NEGR1: variants seen among roughly 807,000 people sequenced by gnomAD.
NEGR1 encodes IgLON family member 4.
Under a neutral mutation model 40.9 loss-of-function variants are expected in NEGR1, and 10 were observed. That is an observed-to-expected ratio of 0.24 (90% CI 0.15 to 0.42). The LOEUF (loss-of-function observed/expected upper bound fraction) is 0.42, where lower values mean the gene tolerates loss of function less well. Ranked by LOEUF, NEGR1 falls within the 10% of genes least tolerant of loss-of-function variation. NEGR1 has a pLI of 1.00. For synonymous variants in NEGR1, 185 were observed against 166.8 expected, an observed-to-expected ratio of 1.11 and a Z score of -0.84; for missense variants, 352 against 438.9, an observed-to-expected ratio of 0.80 and a Z score of 1.77.
intron 4 of NEGR1, among the ~76,000 whole-genome samples, chr1:71,644,887 C>A (rs991228728): frequency 6.6e-6 from 1 of 151,844 alleles, no homozygotes; most frequent in Admixed American, 6.6e-5. Context: ...TATCTGTTCA[C>A]ATGTTTATTA....
chr1:71,545,397 C>T (rs1271651270), intron 6 of NEGR1, among the ~76,000 whole-genome samples: 1 of 151,616 alleles, frequency 6.6e-6, no homozygotes, highest in African/African-American at 2.4e-5. Context: ...CCTGAACTTT[C>T]CTAGATTGGA....
intron 3 of NEGR1, among the ~76,000 whole-genome samples, chr1:71,763,494 T>C (rs1428507917): frequency 6.6e-6 from 1 of 152,176 alleles, no homozygotes; most frequent in Admixed American, 6.5e-5. Context: ...AGGTAAAACA[T>C]AATTTATATT....
chr1:71,688,803 C>A, intron 4 of NEGR1, among the ~76,000 whole-genome samples: 1 of 152,260 alleles, frequency 6.6e-6, no homozygotes, highest in Non-Finnish European at 1.5e-5. Flanking sequence ...TATTGATACA[C>A]AAAATCATTG....
intron 2 of NEGR1, among the ~76,000 whole-genome samples, chr1:71,861,584 C>G (rs937909230): frequency 6.6e-6 from 1 of 151,978 alleles, no homozygotes; most frequent in Non-Finnish European, 1.5e-5. Flanking sequence ...GCATCTCCAG[C>G]CTTGGGTTCA....
At chr1:71,574,224 T>C (rs965593165) in intron 6 of NEGR1, among the ~76,000 whole-genome samples, 1 of 152,184 alleles carries the variant, frequency 6.6e-6, no homozygotes, top group African/African-American at 2.4e-5. Flanking sequence ...ATGCTATCCC[T>C]ATGGGAACTG....
intron 1 of NEGR1, among the ~76,000 whole-genome samples, chr1:72,099,941 T>A (rs1273821659): frequency 2.6e-5 from 4 of 151,878 alleles, no homozygotes; most frequent in South Asian, 2.1e-4. Flanking sequence ...AATCCAATCT[T>A]AAGTGGCAAA....
chr1:72,022,754 C>T (rs1646772303), intron 1 of NEGR1, among the ~76,000 whole-genome samples: 1 of 152,104 alleles, frequency 6.6e-6, no homozygotes, highest in African/African-American at 2.4e-5. Flanking sequence ...GATCTATAGA[C>T]TTGTAAGTAT....
intron 1 of NEGR1, among the ~76,000 whole-genome samples, chr1:72,197,447 C>T (rs769498792): frequency 2.6e-5 from 4 of 151,820 alleles, no homozygotes; most frequent in South Asian, 2.1e-4. Flanking sequence ...TAGTCTATCA[C>T]GTAACTTGAT....
At chr1:72,145,126 T>C (rs1650858032) in intron 1 of NEGR1, among the ~76,000 whole-genome samples, 6 of 152,100 alleles carry the variant, frequency 3.9e-5, no homozygotes, top group African/African-American at 1.4e-4. Context: ...TTTAAAAAAA[T>C]GTCTACCTGG....
chr1:71,947,965 A>G (rs1408057265), intron 1 of NEGR1, among the ~76,000 whole-genome samples: 5 of 152,146 alleles, frequency 3.3e-5, no homozygotes, highest in African/African-American at 7.2e-5. Context: ...TTCCCTTTCT[A>G]TCTTCCTAGA....
rs1421950775 is a variant in NEGR1 at position 72,141,256 on chromosome 1, T to C, written c.176+141063A>G. ...AGGGGAAACACATGGACCCATCCTG[T>C]GGAGATATAAGAACACTTTGTAAAG... On this transcript the variant is annotated intron_variant, in intron 1 of 6. Transcript: ENST00000357731. Among the ~76,000 whole-genome samples, 10 of 151,960 alleles carry C rather than the reference T, an allele frequency of 6.6e-5. No individual in the cohort carries two copies. In the East Asian group the frequency reaches 1.7e-3, roughly 26 times the overall value.
chr1:71,445,670 C>T (rs893123373), intron 6 of NEGR1, among the ~76,000 whole-genome samples: 1 of 152,102 alleles, frequency 6.6e-6, no homozygotes, highest in South Asian at 2.1e-4. Flanking sequence ...GAAAATAAGA[C>T]CTAGAAAATG....
intron 2 of NEGR1, among the ~76,000 whole-genome samples, chr1:71,910,522 C>T (rs904064039): frequency 6.6e-6 from 1 of 152,044 alleles, no homozygotes; most frequent in Non-Finnish European, 1.5e-5. Context: ...AATTTAAGTC[C>T]AGATAATTTG....
chr1:71,495,917 G>A (rs1341177016), intron 6 of NEGR1, among the ~76,000 whole-genome samples: 3 of 152,118 alleles, frequency 2.0e-5, no homozygotes, highest in Non-Finnish European at 4.4e-5. Context: ...CAACTCTCCA[G>A]GGATGAATAG....
intron 2 of NEGR1, among the ~76,000 whole-genome samples, chr1:71,800,525 C>T (rs1460914062): frequency 3.9e-5 from 6 of 152,126 alleles, no homozygotes; most frequent in African/African-American, 1.4e-4. Flanking sequence ...ACTGTAGGTG[C>T]TCAAAAATCC....
chr1:71,968,761 T>C (rs1646232031), intron 1 of NEGR1, among the ~76,000 whole-genome samples: 1 of 152,194 alleles, frequency 6.6e-6, no homozygotes, highest in Non-Finnish European at 1.5e-5. Flanking sequence ...TGTAAAATTG[T>C]ACACTAAATC....
intron 6 of NEGR1, among the ~76,000 whole-genome samples, chr1:71,499,409 T>C (rs1332973472): frequency 3.4e-5 from 5 of 149,186 alleles, no homozygotes; most frequent in Admixed American, 1.3e-4. Flanking sequence ...TCCTTGCACA[T>C]AGTTATATAT....
intron 6 of NEGR1, among the ~76,000 whole-genome samples, chr1:71,469,947 T>C (rs1172327392): frequency 6.6e-6 from 1 of 152,092 alleles, no homozygotes; most frequent in Non-Finnish European, 1.5e-5. Context: ...AATTACAAAA[T>C]ATGGACACAT....
intron 4 of NEGR1, among the ~76,000 whole-genome samples, chr1:71,672,865 T>C (rs574198580): frequency 5.9e-5 from 9 of 152,258 alleles, no homozygotes; most frequent in Middle Eastern, 3.4e-3. Flanking sequence ...ATTAATGGAA[T>C]CCAGCACACA....
Sources: allele counts gnomAD v4.1 joint callset (sites outside exome capture counted in the v4.1 genomes callset), GRCh38; gene constraint gnomAD v4.1.1; transcripts MANE v1.5; gene names NCBI Gene and HGNC (gene_info 2026-07-23, HGNC 2026-07-21).